The following BBS9 variants were observed in gnomAD, a reference collection of about 807,000 sequenced individuals.
The protein encoded by BBS9 is protein PTHB1.
A neutral mutation model predicts 117.7 loss-of-function variants in BBS9; 89 were observed. That is an observed-to-expected ratio of 0.76 (90% CI 0.64 to 0.90). The LOEUF is 0.90. BBS9 is among the 40% of genes least tolerant of loss of function. The probability of loss-of-function intolerance (pLI) is 0.00; values close to 1 mark genes in which losing one functional copy is unlikely to be tolerated. For synonymous variants in BBS9, 379 were observed against 370.9 expected, an observed-to-expected ratio of 1.02 and a Z score of -0.25; for missense variants, 982 against 1,042.2, an observed-to-expected ratio of 0.94 and a Z score of 0.80.
intron 19 of BBS9, among the ~76,000 whole-genome samples, chr7:33,446,092 A>C (rs911456499): frequency 1.4e-4 from 21 of 152,310 alleles, no homozygotes; most frequent in African/African-American, 5.1e-4. Context: ...CAAAAACTCC[A>C]AGCTTAAATT....
At position 33,505,591 on chromosome 7, in the gene BBS9, G is replaced by C; in HGVS notation, c.2244G>C (p.Gln748His). ...IALWQKLSADQVAILEAAFLP... is the reference protein window; with the variant it reads ...IALWQKLSADHVAILEAAFLP... ...TGTGGCAGAAGCTTAGTGCTGACCA[G>C]GTTGCTATTCTGGAAGCGGCATTTC... The change falls in exon 20 of 23, where the codon CAG (glutamine) becomes CAC (histidine). Residue 748 changes from glutamine (Q) to histidine (H), a missense_variant. Coordinates refer to ENST00000242067, the MANE Select transcript of BBS9 (RefSeq NM_198428.3). 1 of 1,614,084 alleles carries C rather than the reference G, an allele frequency of 6.2e-7. No individual in the cohort carries two copies. The highest frequency in any genetic ancestry group is 8.5e-7 in the Non-Finnish European group (1 of 1,179,986).
At chr7:33,371,973 G>A (rs1822947712) in intron 17 of BBS9, among the ~76,000 whole-genome samples, 1 of 152,190 alleles carries the variant, frequency 6.6e-6, no homozygotes, top group Non-Finnish European at 1.5e-5. Context: ...TACCAAATCT[G>A]AGATGGTAAG....
intron 9 of BBS9, among the ~76,000 whole-genome samples, chr7:33,313,036 GGTGTGTGTGTGTGT>G: frequency 6.8e-6 from 1 of 148,050 alleles, no homozygotes; most frequent in East Asian, 2.0e-4. Context: ...TGTACTCTGT[GGTGTGTGTGTGTGT>G]GTGTGTGTGT....
intron 21 of BBS9, among the ~76,000 whole-genome samples, chr7:33,555,448 A>G (rs1255849825): frequency 6.6e-6 from 1 of 152,226 alleles, no homozygotes; most frequent in Non-Finnish European, 1.5e-5. Flanking sequence ...TAATGAAGTA[A>G]TTAAGCAGAT....
At position 33,435,550 on chromosome 7, in the gene BBS9, G is replaced by T. The variant is rs140213721; in HGVS notation, c.2115+47406G>T. 7.5e-5 allele frequency among the ~76,000 whole-genome samples: 5 copies of T among 66,296 alleles called. 1 individual carries two copies. The highest frequency in any genetic ancestry group is 3.7e-4 in the African/African-American group (5 of 13,558). 43.5% of individuals were successfully genotyped at this position (66,296 alleles called of 152,430 possible). A position where few individuals can be genotyped will look rare whatever the true frequency, so the allele number is the denominator to read the frequency against. On this transcript the variant is annotated intron_variant, in intron 19 of 22. Coordinates refer to ENST00000242067, the MANE Select transcript of BBS9 (RefSeq NM_198428.3). The stretch of plus-strand genomic sequence containing the variant: ...GACTCTATTAAGTATGCAGCACTCA[G>T]AAAAGTAATGCCTTCAAAAATGTTT...
chr7:33,585,246 A>G (rs1860695120), intron 21 of BBS9, among the ~76,000 whole-genome samples: 1 of 152,088 alleles, frequency 6.6e-6, no homozygotes, highest in South Asian at 2.1e-4. Context: ...TTTTTTACTA[A>G]GAGGAAACTT....
chr7:33,368,846 A>G (rs1822318671), intron 17 of BBS9, among the ~76,000 whole-genome samples: 1 of 152,152 alleles, frequency 6.6e-6, no homozygotes, highest in South Asian at 2.1e-4. Context: ...GGCTAAAATC[A>G]TAATAGTTTC....
chr7:33,486,993 T>C (rs1478792722), intron 19 of BBS9, among the ~76,000 whole-genome samples: 2 of 152,234 alleles, frequency 1.3e-5, no homozygotes, highest in African/African-American at 4.8e-5. Flanking sequence ...TCGTAATTTG[T>C]ATGTGCTGAA....
chr7:33,609,414 C>G (rs189894914), downstream of BBS9, among the ~76,000 whole-genome samples: 1 of 152,248 alleles, frequency 6.6e-6, no homozygotes, highest in East Asian at 1.9e-4. Flanking sequence ...AATGTATCAT[C>G]TCATCTTAAT....
chr7:33,131,977 A>G lies in BBS9; in HGVS notation c.-12+1936A>G, dbSNP rs181581043. ...GAGAATTTCTGGAGTTTAGGGGATAAGGAGATTATCTCCCATTTATTATTC... is the reference window on the plus strand; with the variant it reads ...GAGAATTTCTGGAGTTTAGGGGATAGGGAGATTATCTCCCATTTATTATTC... On this transcript the variant is annotated intron_variant, in intron 1 of 22. Transcript: ENST00000242067. Among the ~76,000 whole-genome samples, 541 of 152,324 alleles carry G rather than the reference A, an allele frequency of 3.6e-3. 4 individuals carry two copies. The highest frequency in any genetic ancestry group is 0.02 in the South Asian group (97 of 4,822).
intron 1 of BBS9, among the ~76,000 whole-genome samples, chr7:33,138,263 TCC>T (rs1397129370): frequency 4.1e-5 from 6 of 146,904 alleles, no homozygotes; most frequent in Non-Finnish European, 1.5e-5. Flanking sequence ...ATGGATACTT[TCC>T]AGCTGTTTTA....
rs10609889 is a variant in BBS9, at chr7:33,581,095, T to TGA, written c.2522-23750_2522-23749dup. ...GTATTTTTGTGTGTGTGTGTGTGTG[T>TGA]GAGAGAGAGAGAGAGAGAGAGGAAG... On this transcript the variant is annotated intron_variant, in intron 21 of 22. Transcript: ENST00000242067. 4.8e-3 allele frequency among the ~76,000 whole-genome samples: 710 copies of TGA among 149,104 alleles called. 2 individuals carry two copies. Among genetic ancestry groups the TGA allele is most frequent in the Non-Finnish European group, 5.8e-3 (390 of 67,054 alleles).
intron 19 of BBS9, among the ~76,000 whole-genome samples, chr7:33,415,360 A>G (rs1343049142): frequency 2.0e-5 from 3 of 152,178 alleles, no homozygotes; most frequent in African/African-American, 4.8e-5. Context: ...GATGCCTCTA[A>G]GAGACCTGGA....
chr7:33,444,389 T>A (rs918900155), intron 19 of BBS9, among the ~76,000 whole-genome samples: 4 of 152,232 alleles, frequency 2.6e-5, no homozygotes, highest in African/African-American at 7.2e-5. Context: ...TAGATTATTT[T>A]AAATTTTTCT....
chr7:33,252,811 A>G (rs1796423970), intron 5 of BBS9, among the ~76,000 whole-genome samples: 1 of 152,098 alleles, frequency 6.6e-6, no homozygotes, highest in Non-Finnish European at 1.5e-5. Context: ...TCTTAATAGA[A>G]AATATATCGA....
At chr7:33,566,690 A>T (rs1856975825) in intron 21 of BBS9, among the ~76,000 whole-genome samples, 2 of 151,928 alleles carry the variant, frequency 1.3e-5, no homozygotes, top group Admixed American at 1.3e-4. Flanking sequence ...AAGGTGAATT[A>T]GTTAGTCATT....
chr7:33,358,389 G>C (rs1159161416), intron 16 of BBS9, among the ~76,000 whole-genome samples: 2 of 151,610 alleles, frequency 1.3e-5, no homozygotes, highest in African/African-American at 2.4e-5. Context: ...TTTTGTATGT[G>C]TACCTTTTAA....
At chr7:33,338,489 C>T (rs1815839417) in intron 10 of BBS9, among the ~76,000 whole-genome samples, 1 of 151,972 alleles carries the variant, frequency 6.6e-6, no homozygotes, top group African/African-American at 2.4e-5. Context: ...ATGTTCATAG[C>T]CTTGTGGGTT....
chr7:33,189,200 G>A (rs895831332), intron 5 of BBS9, among the ~76,000 whole-genome samples: 2 of 151,282 alleles, frequency 1.3e-5, no homozygotes, highest in Admixed American at 1.3e-4. Context: ...GTTTTTTTTT[G>A]TAGTGACGGG....
Sources: gnomAD v4.1 joint callset for allele counts (sites outside exome capture counted in the v4.1 genomes callset) on GRCh38, gnomAD v4.1.1 for gene constraint, MANE v1.5 for transcripts, NCBI Gene and HGNC (gene_info 2026-07-23, HGNC 2026-07-21) for gene names.